CMAS: variants seen among roughly 807,000 people sequenced by gnomAD.
CMAS encodes cytidine monophosphate N-acetylneuraminic acid synthetase.
A neutral mutation model predicts 53.4 loss-of-function variants in CMAS; 21 were observed. The ratio of observed to expected loss-of-function variants is 0.39; its 90% CI spans 0.28 to 0.57. CMAS has a LOEUF of 0.57. Ranked by LOEUF, CMAS falls within the 20% of genes least tolerant of loss-of-function variation. The pLI is 0.56. For missense variants in CMAS, 384 were observed against 534.9 expected, an observed-to-expected ratio of 0.72 and a Z score of 2.78; for synonymous variants, 189 against 195.2, an observed-to-expected ratio of 0.97 and a Z score of 0.27.
intron 1 of CMAS, among the ~76,000 whole-genome samples, chr12:22,047,556 C>T (rs1169804215): frequency 6.6e-6 from 1 of 151,918 alleles, no homozygotes; most frequent in Non-Finnish European, 1.5e-5. Context: ...TGTTCAAAAA[C>T]GGGAGATGCC....
chr12:22,057,226 T>TACACACACAC lies in CMAS; in HGVS notation c.560-1337_560-1328dup, dbSNP rs71053371. Among the ~76,000 whole-genome samples the TACACACACAC allele has an allele frequency of 5.2e-3, 695 of 133,872 alleles. 4 individuals are homozygous for TACACACACAC. Among genetic ancestry groups the TACACACACAC allele is most frequent in the East Asian group, 0.012 (56 of 4,652 alleles). 87.8% of individuals were successfully genotyped at this position (133,872 alleles called of 152,430 possible). ...AAGATTCTGGAGAGTAACCAGCTAT[T>TACACACACAC]ACACACACACACATACACACACACA... On this transcript the variant is annotated intron_variant, in intron 3 of 7. Coordinates refer to ENST00000229329, the MANE Select transcript of CMAS (RefSeq NM_018686.6).
intron 6 of CMAS, among the ~76,000 whole-genome samples, chr12:22,061,944 C>G (rs1218658216): frequency 4.6e-5 from 7 of 152,130 alleles, no homozygotes; most frequent in Non-Finnish European, 1.0e-4. Context: ...AGGTTATAGA[C>G]TTTCCTCTGG....
chr12:22,056,585 C>A (rs981020846), intron 3 of CMAS, among the ~76,000 whole-genome samples: 2 of 152,156 alleles, frequency 1.3e-5, no homozygotes, highest in Admixed American at 1.3e-4. Flanking sequence ...CTCTTGCTAA[C>A]AAGACTAAGG....
chr12:22,062,905 G>A (rs1395682873), intron 7 of CMAS, among the ~76,000 whole-genome samples: 2 of 152,056 alleles, frequency 1.3e-5, no homozygotes, highest in East Asian at 1.9e-4. Context: ...GAGACAAATG[G>A]GCCAATAGTG....
chr12:22,061,038 A>G, intron 5 of CMAS, 112 bp downstream of exon 5: 1 of 765,218 alleles, frequency 1.3e-6, no homozygotes, highest in South Asian at 1.7e-5. Context: ...TACTTTGTTC[A>G]TGTGAGGAAG....
intron 1 of CMAS, among the ~76,000 whole-genome samples, chr12:22,050,961 G>T (rs983148460): frequency 3.9e-5 from 6 of 151,930 alleles, no homozygotes; most frequent in Admixed American, 3.9e-4. Flanking sequence ...CACCCTTCCT[G>T]CCTCCTACCC....
intron 7 of CMAS, chr12:22,064,017 C>G (rs1397927898): frequency 2.8e-4 from 43 of 151,536 alleles, no homozygotes; most frequent in Admixed American, 2.8e-3. Context: ...AAAATCAATA[C>G]TTTTATAAGT....
chr12:22,050,990 A>G (rs1950237263), intron 1 of CMAS, among the ~76,000 whole-genome samples: 1 of 152,132 alleles, frequency 6.6e-6, no homozygotes, highest in South Asian at 2.1e-4. Context: ...GTTTCTTCAA[A>G]AAATGTTTAC....
chr12:22,063,522 AAAAC>A lies in CMAS; in HGVS notation c.1114+1092_1114+1095del, dbSNP rs1386011400. ...AAATTTTATAAAGCCATTAGAAAGA[AAAAC>A]AAAGATAATATAAAATGCTTAACAT... On this transcript the variant is annotated intron_variant, in intron 7 of 7. Transcript: ENST00000229329. 3.3e-5 allele frequency among the ~76,000 whole-genome samples: 5 copies of A among 152,338 alleles called. No homozygotes were observed. In the East Asian group the frequency reaches 9.6e-4, roughly 29 times the overall value.
chr12:22,048,969 G>A (rs1055230946), intron 1 of CMAS, among the ~76,000 whole-genome samples: 18 of 152,140 alleles, frequency 1.2e-4, no homozygotes, highest in South Asian at 2.1e-4. Flanking sequence ...TTCGTTTTCT[G>A]GGGCTGTGAA....
At chr12:22,049,815 G>T (rs1950229077) in intron 1 of CMAS, among the ~76,000 whole-genome samples, 1 of 151,846 alleles carries the variant, frequency 6.6e-6, no homozygotes, top group Non-Finnish European at 1.5e-5. Context: ...TGAGGCAGGG[G>T]AATCACCTGA....
chr12:22,053,293 A>T (rs1252707904), intron 1 of CMAS, among the ~76,000 whole-genome samples: 1 of 152,022 alleles, frequency 6.6e-6, no homozygotes, highest in Non-Finnish European at 1.5e-5. Flanking sequence ...TCTGTCAAAA[A>T]AACAAACAAA....
intron 1 of CMAS, among the ~76,000 whole-genome samples, chr12:22,052,525 AT>A (rs2138179739): frequency 6.6e-6 from 1 of 152,296 alleles, no homozygotes; most frequent in East Asian, 1.9e-4. Flanking sequence ...GGCTTCAGCA[AT>A]TTATTTCAAT....
chr12:22,046,910 T>G (rs911796029), intron 1 of CMAS, among the ~76,000 whole-genome samples: 1 of 152,172 alleles, frequency 6.6e-6, no homozygotes, highest in Non-Finnish European at 1.5e-5. Context: ...GTGCAACATC[T>G]GTGATAATAT....
intron 1 of CMAS, among the ~76,000 whole-genome samples, chr12:22,053,723 C>T (rs1049014744): frequency 1.3e-5 from 2 of 148,332 alleles, no homozygotes; most frequent in African/African-American, 4.9e-5. Context: ...ACTAAAAATA[C>T]AAAAAATTAG....
intron 1 of CMAS, among the ~76,000 whole-genome samples, chr12:22,048,225 T>C (rs1166409601): frequency 1.3e-5 from 2 of 152,214 alleles, no homozygotes; most frequent in Non-Finnish European, 2.9e-5. Flanking sequence ...ACATGCAGTA[T>C]ACAAGAACAT....
chr12:22,058,481 T>G (rs1950284091), intron 3 of CMAS, 86 bp from the exon 4 acceptor site: 1 of 1,181,728 alleles, frequency 8.5e-7, no homozygotes, highest in Non-Finnish European at 1.2e-6. Flanking sequence ...GCATTCTGAG[T>G]TCATTTTTAT....
chr12:22,059,376 A>G (rs1426699418), intron 4 of CMAS, among the ~76,000 whole-genome samples: 2 of 151,912 alleles, frequency 1.3e-5, no homozygotes, highest in Non-Finnish European at 2.9e-5. Context: ...AACACTTTGC[A>G]TATGTTATCT....
intron 1 of CMAS, among the ~76,000 whole-genome samples, chr12:22,052,757 T>A (rs1591792595): frequency 6.6e-6 from 1 of 152,318 alleles, no homozygotes; most frequent in Non-Finnish European, 1.5e-5. Context: ...TGGGGGCTCC[T>A]GCGTTCGCCC....
Sources: allele counts gnomAD v4.1 joint callset (sites outside exome capture counted in the v4.1 genomes callset), GRCh38; gene constraint gnomAD v4.1.1; transcripts MANE v1.5; gene names NCBI Gene and HGNC (gene_info 2026-07-23, HGNC 2026-07-21).